The following STK38L variants were observed in gnomAD, a reference collection of about 807,000 sequenced individuals.
STK38L encodes serine/threonine-protein kinase 38-like.
A neutral mutation model predicts 59.7 loss-of-function variants in STK38L; 28 were observed. The ratio of observed to expected loss-of-function variants is 0.47; its 90% confidence interval spans 0.35 to 0.64. The LOEUF is 0.64. Ranked by LOEUF, STK38L falls within the 30% of genes least tolerant of loss-of-function variation. STK38L has a pLI of 0.01. For missense variants in STK38L, 314 were observed against 555.8 expected (o/e 0.56, Z 4.37); for synonymous variants, 162 against 176.8 (o/e 0.92, Z 0.66).
At chr12:27,291,125 G>GT (rs921683192) in intron 1 of STK38L, among the ~76,000 whole-genome samples, 61 of 152,184 alleles carry the variant, frequency 4.0e-4, no homozygotes, top group African/African-American at 1.3e-3. Context: ...GGGTACTTGG[G>GT]TAAAAACTCA....
intron 7 of STK38L, 67 bp from the exon 8 acceptor site, chr12:27,314,948 G>T: frequency 1.7e-6 from 2 of 1,184,204 alleles, no homozygotes; most frequent in Non-Finnish European, 2.4e-6. Context: ...ATTTAATAGA[G>T]GAGTTTATAA....
chr12:27,266,382 A>C lies in STK38L; in HGVS notation c.-12+22050A>C, dbSNP rs1943301517. Among the ~76,000 whole-genome samples the C allele has an allele frequency of 3.3e-5, 5 of 152,182 alleles. No homozygotes were observed. In the South Asian group the frequency reaches 1.0e-3, roughly 31 times the overall value. On this transcript the variant is annotated intron_variant, in intron 1 of 13. Transcript: ENST00000389032. ...GTCTAGTGGAAAAACTTTTTAATGG[A>C]GCGATCCAATTTGAAACATGAATAT...
intron 1 of STK38L, 114 bp from the exon 2 acceptor site, chr12:27,297,596 G>C: frequency 9.4e-7 from 1 of 1,060,128 alleles, no homozygotes; most frequent in Non-Finnish European, 1.3e-6. Context: ...ACTTGGATGT[G>C]TTAACTGTTA....
At chr12:27,284,969 T>G (rs973032790) in intron 1 of STK38L, among the ~76,000 whole-genome samples, 4 of 152,228 alleles carry the variant, frequency 2.6e-5, no homozygotes. Context: ...TATGTCTGCT[T>G]TTAGTTGGGA....
Position 27,325,051 on chromosome 12 carries a change from T to C in STK38L, c.*2596T>C, listed in dbSNP as rs2136656419. On this transcript the variant is annotated 3_prime_UTR_variant, in exon 14 of 14. Coordinates refer to ENST00000389032, the MANE Select transcript of STK38L (RefSeq NM_015000.4). The stretch of plus-strand genomic sequence containing the variant: ...CAGATTTATCAATTTCCTGATTTAA[T>C]GTAGACTTTGACTTTTTTATTAAAA... 1 of 152,282 alleles carries C rather than the reference T, an allele frequency of 6.6e-6. No homozygotes were observed. Among genetic ancestry groups the C allele is most frequent in the African/African-American group, 2.4e-5 (1 of 41,594 alleles). 9.4% of individuals were successfully genotyped at this position (152,282 alleles called of 1,614,324 possible). A position where few individuals can be genotyped will look rare whatever the true frequency, so the allele number is the denominator to read the frequency against.
intron 1 of STK38L, among the ~76,000 whole-genome samples, chr12:27,253,426 A>C (rs1046417135): frequency 1.5e-5 from 1 of 68,428 alleles, no homozygotes; most frequent in East Asian, 5.4e-4. Context: ...GGAAGGAGAG[A>C]CTTGCATGGA....
In STK38L at chr12:27,277,334, G is replaced by C. The variant is rs527592612; in HGVS notation, c.-11-20376G>C. Among the ~76,000 whole-genome samples the C allele has an allele frequency of 3.6e-5, 5 of 139,132 alleles. No individual in the cohort carries two copies. The Admixed American group carries it at 3.8e-4, about 10-fold the overall frequency. 91.3% of individuals were successfully genotyped at this position (139,132 alleles called of 152,430 possible). ...CTTTGAGACCAGCCTGGGTAATAGA[G>C]CAAGACCTCCATCTCAAAAAACACA... On this transcript the variant is annotated intron_variant, in intron 1 of 13. Coordinates refer to ENST00000389032, the MANE Select transcript of STK38L (RefSeq NM_015000.4).
chr12:27,267,809 G>A (rs1300056405), intron 1 of STK38L, among the ~76,000 whole-genome samples: 2 of 152,016 alleles, frequency 1.3e-5, no homozygotes, highest in African/African-American at 4.8e-5. Flanking sequence ...GGGTTTTAAT[G>A]TTTATTTCCC....
chr12:27,266,391 A>C (rs147120546), intron 1 of STK38L, among the ~76,000 whole-genome samples: 549 of 152,318 alleles, frequency 3.6e-3, no homozygotes, highest in Middle Eastern at 0.01. Context: ...GAGCGATCCA[A>C]TTTGAAACAT....
At chr12:27,302,970 G>A (rs370043879) in intron 3 of STK38L, among the ~76,000 whole-genome samples, 70 of 147,162 alleles carry the variant, frequency 4.8e-4, no homozygotes, top group Non-Finnish European at 7.6e-4. Context: ...CCGAGATCGC[G>A]CCACTGCACT....
intron 12 of STK38L, among the ~76,000 whole-genome samples, chr12:27,321,785 T>C (rs1944734769): frequency 6.6e-6 from 1 of 152,180 alleles, no homozygotes; most frequent in African/African-American, 2.4e-5. Flanking sequence ...TAGAATGTAA[T>C]TGGATTGTAA....
intron 1 of STK38L, among the ~76,000 whole-genome samples, chr12:27,263,022 C>G (rs59180266): frequency 6.6e-6 from 1 of 151,962 alleles, no homozygotes; most frequent in African/African-American, 2.4e-5. Flanking sequence ...TAGTCTTGAC[C>G]TCAGGTGACC....
intron 1 of STK38L, among the ~76,000 whole-genome samples, chr12:27,294,859 C>T: frequency 6.6e-6 from 1 of 150,448 alleles, no homozygotes; most frequent in East Asian, 1.9e-4. Context: ...TACAGGTGTG[C>T]ACTACCACAC....
chr12:27,298,396 C>T (rs1944081634), intron 2 of STK38L: 2 of 152,414 alleles, frequency 1.3e-5, no homozygotes, highest in Non-Finnish European at 2.9e-5. Context: ...GAGCCAAGAT[C>T]ACACCACTGC....
At chr12:27,265,756 T>C (rs1394256598) in intron 1 of STK38L, among the ~76,000 whole-genome samples, 1 of 152,216 alleles carries the variant, frequency 6.6e-6, no homozygotes, top group Non-Finnish European at 1.5e-5. Flanking sequence ...AAACAGGCAT[T>C]CCTATTTCTG....
At position 27,319,414 on chromosome 12, in the gene STK38L, A is replaced by G. The variant is rs1369369010; in HGVS notation, c.1166A>G (p.Glu389Gly). ...GHPFFEGVDW[E>G]HIRERPAAIP... is the part of the protein sequence containing the mutation. The stretch of plus-strand genomic sequence containing the variant: ...CCCTTTTTTGAAGGTGTCGACTGGG[A>G]GCACATAAGGTATGTTCCTAGGCTT... Residue 389 changes from glutamate (E) to glycine (G), a missense_variant, in exon 12 of 14, where the codon GAG (glutamate) becomes GGG (glycine). Coordinates refer to ENST00000389032, the MANE Select transcript of STK38L (RefSeq NM_015000.4). 6.2e-7 allele frequency: 1 copy of G among 1,612,778 alleles called. No homozygotes were observed. Among genetic ancestry groups the G allele is most frequent in the Admixed American group, 1.7e-5 (1 of 59,990 alleles).
intron 1 of STK38L, among the ~76,000 whole-genome samples, chr12:27,253,603 G>C (rs1274621095): frequency 2.6e-5 from 4 of 152,176 alleles, no homozygotes; most frequent in Non-Finnish European, 5.9e-5. Context: ...GCTGCAATCA[G>C]GCATAGCAGC....
intron 1 of STK38L, among the ~76,000 whole-genome samples, chr12:27,252,912 G>A (rs576982632): frequency 6.6e-6 from 1 of 152,106 alleles, no homozygotes; most frequent in South Asian, 2.1e-4. Flanking sequence ...ATAGATGTTT[G>A]GCCCTCCATT....
intron 9 of STK38L, among the ~76,000 whole-genome samples, chr12:27,315,672 A>G (rs1591941928): frequency 6.6e-6 from 1 of 152,110 alleles, no homozygotes; most frequent in Admixed American, 6.6e-5. Flanking sequence ...CCATTTTTCC[A>G]TTTTTCATAA....
Sources: allele counts gnomAD v4.1 joint callset (sites outside exome capture counted in the v4.1 genomes callset), GRCh38; gene constraint gnomAD v4.1.1; transcripts MANE v1.5; gene names NCBI Gene and HGNC (gene_info 2026-07-23, HGNC 2026-07-21).